The following MKLN1 variants were observed in gnomAD, a reference collection of about 807,000 sequenced individuals.
MKLN1 encodes muskelin.
MKLN1 carries 18 observed loss-of-function variants against 99.0 expected under a neutral mutation model. The observed-to-expected ratio is 0.18, with a 90% CI of 0.13 to 0.27. The LOEUF is 0.27. MKLN1 is among the 10% of genes least tolerant of loss of function. MKLN1 has a pLI of 1.00. For synonymous variants in MKLN1, 288 were observed against 293.2 expected (o/e 0.98, Z 0.18); for missense variants, 621 against 875.9 (o/e 0.71, Z 3.67).
chr7:131,137,723 C>T (rs1195824401), intron 1 of MKLN1, among the ~76,000 whole-genome samples: 1 of 150,076 alleles, frequency 6.7e-6, no homozygotes, highest in African/African-American at 2.5e-5. Flanking sequence ...TACGTGCATG[C>T]GCCACCATAC....
chr7:131,382,475 GT>G (rs1287070965), intron 2 of MKLN1, among the ~76,000 whole-genome samples: 2 of 151,890 alleles, frequency 1.3e-5, no homozygotes, highest in African/African-American at 2.4e-5. Flanking sequence ...CTTCTTGACT[GT>G]TTTCTGGTGA....
At chr7:131,323,538 C>CTA (rs1344133769), upstream of MKLN1, 2 of 152,106 alleles carry the variant, frequency 1.3e-5, no homozygotes, top group Admixed American at 1.3e-4. Flanking sequence ...TCATTGTTGC[C>CTA]TATGATCATT....
intron 1 of MKLN1, among the ~76,000 whole-genome samples, chr7:131,372,557 A>T (rs967836856): frequency 6.6e-6 from 1 of 152,022 alleles, no homozygotes; most frequent in Non-Finnish European, 1.5e-5. Context: ...CTTACTATGT[A>T]TTGAACATTT....
intron 1 of MKLN1, among the ~76,000 whole-genome samples, chr7:131,365,758 A>T (rs1800162726): frequency 6.6e-6 from 1 of 151,986 alleles, no homozygotes; most frequent in Admixed American, 6.6e-5. Context: ...GATCGTAGGT[A>T]TGTGGCCTTT....
chr7:131,362,679 A>T (rs1403886538), intron 1 of MKLN1, among the ~76,000 whole-genome samples: 4 of 151,900 alleles, frequency 2.6e-5, no homozygotes, highest in Non-Finnish European at 2.9e-5. Flanking sequence ...CATTATTTTC[A>T]TCACTTTCCA....
intron 3 of MKLN1, among the ~76,000 whole-genome samples, chr7:131,224,806 G>C (rs950412036): frequency 2.4e-4 from 37 of 152,018 alleles, no homozygotes; most frequent in African/African-American, 8.7e-4. Flanking sequence ...GGGCGCAGTG[G>C]CTCATGCCTG....
chr7:131,231,214 T>C (rs1287036027), intron 3 of MKLN1, among the ~76,000 whole-genome samples: 2 of 146,944 alleles, frequency 1.4e-5, no homozygotes, highest in Non-Finnish European at 1.5e-5. Context: ...ATTGTAGCGG[T>C]ACAGAGGAGG....
At chr7:131,144,481 C>CAA (rs34534901) in intron 2 of MKLN1, among the ~76,000 whole-genome samples, 2 of 134,854 alleles carry the variant, frequency 1.5e-5, no homozygotes, top group African/African-American at 2.8e-5. Flanking sequence ...GACTGTGTCT[C>CAA]AAAAAAAAAA....
At chr7:131,458,250 C>T (rs762817137) in intron 12 of MKLN1, among the ~76,000 whole-genome samples, 22 of 152,198 alleles carry the variant, frequency 1.4e-4, no homozygotes, top group Non-Finnish European at 2.9e-4. Flanking sequence ...ATCTTCCTAA[C>T]TTTGAGATGT....
chr7:131,323,355 CT>C (rs1012284801), upstream of MKLN1: 6 of 152,072 alleles, frequency 3.9e-5, no homozygotes, highest in African/African-American at 1.4e-4. Flanking sequence ...TCAAATATCC[CT>C]TTGTTTACCT....
intron 1 of MKLN1, among the ~76,000 whole-genome samples, chr7:131,364,355 T>A (rs891410622): frequency 6.6e-6 from 1 of 152,116 alleles, no homozygotes; most frequent in African/African-American, 2.4e-5. Flanking sequence ...TGTGTGTAGA[T>A]AAAGATATTT....
chr7:131,414,362 A>G (rs895381440), intron 7 of MKLN1, among the ~76,000 whole-genome samples: 1 of 152,092 alleles, frequency 6.6e-6, no homozygotes, highest in Non-Finnish European at 1.5e-5. Context: ...ATGTTTTTGT[A>G]TAATATTCTG....
rs550168521 is a variant in MKLN1, at chr7:131,144,086, G to A, written c.-297+1145G>A. Among the ~76,000 whole-genome samples, 14 of 152,234 alleles carry A rather than the reference G, an allele frequency of 9.2e-5. No homozygotes were observed. In the South Asian group the frequency reaches 2.9e-3, roughly 32 times the overall value. ...TTCCTAGAATGTAAGCATTATGAGG[G>A]CAGGCAATTTTTTTGTTCAGCACTA... On this transcript the variant is annotated intron_variant, in intron 2 of 7. Transcript: ENST00000416992.
intron 2 of MKLN1, among the ~76,000 whole-genome samples, chr7:131,378,354 C>T (rs879401603): frequency 3.3e-4 from 50 of 152,270 alleles, no homozygotes; most frequent in Admixed American, 1.7e-3. Context: ...TCAGGTGATC[C>T]GCCCACCTTG....
intron 6 of MKLN1, among the ~76,000 whole-genome samples, chr7:131,409,961 G>A (rs1410598416): frequency 6.6e-6 from 1 of 152,028 alleles, no homozygotes; most frequent in Non-Finnish European, 1.5e-5. Flanking sequence ...TATTCCAGAG[G>A]AATAAAAGTA....
intron 3 of MKLN1, among the ~76,000 whole-genome samples, chr7:131,308,099 G>A (rs1798495410): frequency 6.6e-6 from 1 of 152,126 alleles, no homozygotes; most frequent in African/African-American, 2.4e-5. Context: ...AAGTGTTTGA[G>A]ACTTCCCTCA....
At chr7:131,446,378 T>C (rs1419680137) in intron 12 of MKLN1, among the ~76,000 whole-genome samples, 2 of 152,320 alleles carry the variant, frequency 1.3e-5, no homozygotes, top group South Asian at 4.1e-4. Flanking sequence ...ATTATGCATA[T>C]TGCCCTGGCA....
chr7:131,289,931 G>T (rs1798192017), intron 3 of MKLN1, among the ~76,000 whole-genome samples: 2 of 152,114 alleles, frequency 1.3e-5, no homozygotes, highest in African/African-American at 4.8e-5. Flanking sequence ...GTTCTTCTAG[G>T]GGAACACATG....
At chr7:131,250,303 G>A (rs1404723660) in intron 3 of MKLN1, among the ~76,000 whole-genome samples, 1 of 152,092 alleles carries the variant, frequency 6.6e-6, no homozygotes, top group Non-Finnish European at 1.5e-5. Flanking sequence ...CCCTTCCATC[G>A]GCCTGAATAT....
Sources: gnomAD v4.1 joint callset for allele counts (sites outside exome capture counted in the v4.1 genomes callset) on GRCh38, gnomAD v4.1.1 for gene constraint, MANE v1.5 for transcripts, NCBI Gene and HGNC (gene_info 2026-07-23, HGNC 2026-07-21) for gene names.